The following RP1L1 variants were observed in gnomAD, a reference collection of about 807,000 sequenced individuals.
RP1L1 encodes retinitis pigmentosa 1-like 1 protein.
RP1L1 carries 27 observed loss-of-function variants against 15.7 expected under a neutral mutation model. The ratio of observed to expected loss-of-function variants is 1.72; its 90% CI spans 1.27 to 2.38. RP1L1 has a LOEUF of 2.38. Ranked by LOEUF, RP1L1 falls within the 30% of genes most tolerant of loss-of-function variation. The pLI is 0.00. For synonymous variants in RP1L1, 1,813 were observed against 1,276.7 expected, an observed-to-expected ratio of 1.42 and a Z score of -8.96; for missense variants, 4,798 against 3,075.9, an observed-to-expected ratio of 1.56 and a Z score of -13.24.
intron 1 of RP1L1, among the ~76,000 whole-genome samples, chr8:10,651,443 C>G (rs1490685110): frequency 6.6e-6 from 1 of 152,118 alleles, no homozygotes; most frequent in East Asian, 1.9e-4. Context: ...AAAAGCTATG[C>G]TCGGGCCGGG....
Position 10,610,462 on chromosome 8 carries a change from C to T in RP1L1, c.3636G>A (p.Glu1212=). Residue 1212 remains glutamate (E), a synonymous_variant, in exon 4 of 4, where the codon GAG becomes GAA. Coordinates refer to ENST00000382483, the MANE Select transcript of RP1L1 (RefSeq NM_178857.6). ...DISSGSGGSG[E]SSVPCAMDGT... ...CGTCCATGGCACAGGGTACGCTACT[C>T]TCCCCTGAGCCTCCAGAGCCGCTGC... 1 of 1,613,772 alleles carries T rather than the reference C, an allele frequency of 6.2e-7. No homozygotes were observed.
At chr8:10,654,742 C>A (rs1563144446) in intron 1 of RP1L1, among the ~76,000 whole-genome samples, 156 bp downstream of exon 1, 1 of 152,252 alleles carries the variant, frequency 6.6e-6, no homozygotes. Context: ...CAGAAGAGAA[C>A]CGATCCTGCG....
At chr8:10,643,980 T>G (rs1007446699) in intron 1 of RP1L1, among the ~76,000 whole-genome samples, 1 of 151,496 alleles carries the variant, frequency 6.6e-6, no homozygotes, top group African/African-American at 2.4e-5. Context: ...AGTTGGGAGG[T>G]GCTCAAGGGG....
In RP1L1 at chr8:10,607,705, A is replaced by G. The variant is rs1226764339; in HGVS notation, c.6393T>C (p.Gly2131=). 6.4e-7 allele frequency: 1 copy of G among 1,558,670 alleles called. No homozygotes were observed. ...TEGEAQPESE[G]IEAPEAEGEA... ...CCCCTTCAGCCTCTGGGGCCTCTAT[A>G]CCTTCTGACTCTGGCTGGGCCTCCC... Residue 2131 remains glycine (G), a synonymous_variant, in exon 4 of 4, where the codon GGT becomes GGC. Coordinates refer to ENST00000382483, the MANE Select transcript of RP1L1 (RefSeq NM_178857.6).
In RP1L1 at chr8:10,610,801, G is replaced by C; in HGVS notation, c.3297C>G (p.Ser1099Arg). The C allele has an allele frequency of 6.2e-7, 1 of 1,609,980 alleles. No individual in the cohort carries two copies. Residue 1099 changes from serine to arginine, a missense_variant, in exon 4 of 4, where the codon AGC becomes AGG. Physicochemically the swap from Ser to Arg is moderately radical, Grantham distance 110. Transcript: ENST00000382483. ...LMGSKQGRPS[S>R]VPEVSRPMAR... ...CCATGGGCCTAGACACTTCGGGCAC[G>C]CTGCTGGGCCGGCCCTGCTTGGAGC...
At chr8:10,631,441 G>A (rs13248470) in intron 1 of RP1L1, among the ~76,000 whole-genome samples, 17 of 150,392 alleles carry the variant, frequency 1.1e-4, no homozygotes, top group Admixed American at 6.6e-4. Context: ...GCACACACAC[G>A]CACACACACA....
intron 3 of RP1L1, among the ~76,000 whole-genome samples, chr8:10,616,213 T>C (rs1797962381): frequency 1.3e-5 from 2 of 152,186 alleles, no homozygotes; most frequent in South Asian, 2.1e-4. Flanking sequence ...CCAGCCTCTG[T>C]TCCTTTTATA....
intron 1 of RP1L1, among the ~76,000 whole-genome samples, chr8:10,652,682 C>A (rs887289526): frequency 3.2e-4 from 48 of 151,344 alleles, no homozygotes; most frequent in Non-Finnish European, 1.5e-4. Context: ...AAAAAAAAAA[C>A]CTTTCAAAGT....
Position 10,612,886 on chromosome 8 carries a change from C to G in RP1L1, c.1212G>C (p.Lys404Asn). 6.2e-7 allele frequency: 1 copy of G among 1,612,922 alleles called. No individual in the cohort carries two copies. The highest frequency in any genetic ancestry group is 8.5e-7 in the Non-Finnish European group (1 of 1,179,898). The part of the protein sequence containing the change: ...VFGRGGQPGP[K>N]YEIWTNPLHA... ...GCAGGGGATTCGTCCAGATTTCATA[C>G]TTGGGCCCTGGCTGCCCGCCTCGGC... Residue 404 changes from lysine to asparagine, a missense_variant, in exon 4 of 4, where the codon AAG (lysine) becomes AAC (asparagine). By Grantham distance (94) the Lys-to-Asn change is moderately conservative. Transcript: ENST00000382483.
chr8:10,653,909 C>T (rs28722737), intron 1 of RP1L1, among the ~76,000 whole-genome samples: 68,421 of 151,994 alleles, frequency 0.45, 16,546 homozygotes, highest in Non-Finnish European at 0.55. Flanking sequence ...TCCTGGTGCC[C>T]TCCCGCGACC....
At chr8:10,645,094 A>C (rs1443356744) in intron 1 of RP1L1, among the ~76,000 whole-genome samples, 1 of 152,194 alleles carries the variant, frequency 6.6e-6, no homozygotes, top group Non-Finnish European at 1.5e-5. Flanking sequence ...TGGGGGGCTA[A>C]GGCAGGAGGG....
chr8:10,617,111 C>G (rs1281581658), intron 2 of RP1L1, among the ~76,000 whole-genome samples: 1 of 151,996 alleles, frequency 6.6e-6, no homozygotes, highest in African/African-American at 2.4e-5. Flanking sequence ...CTGCAGGGAC[C>G]CCTTCCCTTC....
intron 2 of RP1L1, chr8:10,621,697 G>C: frequency 2.0e-6 from 1 of 497,136 alleles, no homozygotes; most frequent in Non-Finnish European, 4.0e-6. Flanking sequence ...GAATCTTGAG[G>C]AGACTGTGAA....
intron 3 of RP1L1, among the ~76,000 whole-genome samples, chr8:10,615,187 C>T (rs1177730325): frequency 6.6e-6 from 1 of 152,176 alleles, no homozygotes; most frequent in Non-Finnish European, 1.5e-5. Context: ...GCCTCCAGCA[C>T]CTGACCTACA....
At chr8:10,634,224 C>T (rs926291185) in intron 1 of RP1L1, among the ~76,000 whole-genome samples, 1 of 152,224 alleles carries the variant, frequency 6.6e-6, no homozygotes, top group African/African-American at 2.4e-5. Flanking sequence ...GACTTATCCA[C>T]CTCCTAAATC....
Position 10,607,978 on chromosome 8 carries a change from C to G in RP1L1, c.6120G>C (p.Glu2040Asp), listed in dbSNP as rs1326126232. ...GGGCATCCCCTTCTGTCTTCTGGGT[C>G]TCCCCTTCAACCTCCTGGGCCTCTT... Reference protein sequence around the residue: ...EGEEAQEVEGETQKTEGDAQP... With the variant: ...EGEEAQEVEGDTQKTEGDAQP... The change falls in exon 4 of 4, where the codon GAG becomes GAC. Residue 2040 changes from glutamate to aspartate, a missense_variant. Glu to Asp is a conservative substitution (Grantham distance 45). Transcript: ENST00000382483. 2 of 1,612,950 alleles carry G rather than the reference C, an allele frequency of 1.2e-6. No homozygotes were observed.
chr8:10,608,875 G>A lies in RP1L1; in HGVS notation c.5223C>T (p.Asp1741=), dbSNP rs372016680. ...GPGLSQGPGV[D]EGEDGEGSQR... ...GGCTCCCCTCGCCATCCTCACCCTC[G>A]TCCACTCCAGGCCCCTGGCTCAGCC... Residue 1741 remains aspartate, a synonymous_variant, in exon 4 of 4, where the codon GAC becomes GAT. Coordinates refer to ENST00000382483, the MANE Select transcript of RP1L1 (RefSeq NM_178857.6). The A allele has an allele frequency of 1.2e-5, 20 of 1,613,588 alleles. No individual in the cohort carries two copies. The highest frequency in any genetic ancestry group is 2.7e-5 in the African/African-American group (2 of 74,816).
chr8:10,648,421 G>A (rs1006790265), intron 1 of RP1L1, among the ~76,000 whole-genome samples: 9 of 151,842 alleles, frequency 5.9e-5, no homozygotes, highest in South Asian at 2.1e-4. Flanking sequence ...GATTCCCAGC[G>A]TCCCCCTAGA....
Position 10,622,869 on chromosome 8 carries a change from C to T in RP1L1, c.333G>A (p.Lys111=), listed in dbSNP as rs1250935949. The T allele has an allele frequency of 1.2e-5, 19 of 1,613,284 alleles. No individual in the cohort carries two copies. Among genetic ancestry groups the T allele is most frequent in the Non-Finnish European group, 1.6e-5 (19 of 1,179,512 alleles). The change falls in exon 2 of 4, where the codon AAG becomes AAA. Residue 111 remains lysine (K), a synonymous_variant. Transcript: ENST00000382483. The part of the protein sequence containing the change: ...CYLCSDKKPP[K]TPSGPGRPQE... ...GTGGCCGGCCTGGTCCACTGGGGGT[C>T]TTGGGGGGCTTCTTATCAGAGCAGA...
Sources: gnomAD v4.1 joint callset for allele counts (sites outside exome capture counted in the v4.1 genomes callset) on GRCh38, gnomAD v4.1.1 for gene constraint, MANE v1.5 for transcripts, NCBI Gene and HGNC (gene_info 2026-07-23, HGNC 2026-07-21) for gene names.